Variants in ANKRD10 observed in about 807,000 individuals in gnomAD.
The protein encoded by ANKRD10 is ankyrin repeat domain-containing protein 10.
ANKRD10 carries 14 observed loss-of-function variants against 27.0 expected under a neutral mutation model. The observed-to-expected ratio is 0.52, with a 90% CI of 0.34 to 0.81. The LOEUF is 0.81. ANKRD10 is among the 40% of genes least tolerant of loss of function. ANKRD10 has a pLI of 0.01. For missense variants in ANKRD10, 493 were observed against 544.0 expected (o/e 0.91, Z 0.93); for synonymous variants, 250 against 224.5 (o/e 1.11, Z -1.01).
Position 110,893,053 on chromosome 13 carries a change from A to C in ANKRD10, c.666T>G (p.Phe222Leu), listed in dbSNP as rs1487813626. Residue 222 changes from phenylalanine (F) to leucine (L), a missense_variant, in exon 4 of 6, where the codon TTT becomes TTG. Phe to Leu is a conservative substitution (Grantham distance 22). Coordinates refer to ENST00000267339, the MANE Select transcript of ANKRD10 (RefSeq NM_017664.4). ...CTTCAGTTCTAGCTTTCTTTACTCC[A>C]AAGTCTTCTGAGTCTTCCAAGCATC... Reference protein sequence around the residue: ...RKRCLEDSEDFGVKKARTEAQ... With the variant: ...RKRCLEDSEDLGVKKARTEAQ... 6.2e-7 allele frequency: 1 copy of C among 1,614,164 alleles called. No individual in the cohort carries two copies. Among genetic ancestry groups the C allele is most frequent in the Admixed American group, 1.7e-5 (1 of 60,012 alleles).
At chr13:110,908,616 A>G (rs1164961538) in intron 2 of ANKRD10, among the ~76,000 whole-genome samples, 1 of 152,170 alleles carries the variant, frequency 6.6e-6, no homozygotes, top group African/African-American at 2.4e-5. Flanking sequence ...TGGCATCCTG[A>G]GTTTATATGA....
chr13:110,901,648 G>C (rs369305850), intron 3 of ANKRD10, among the ~76,000 whole-genome samples: 18 of 152,312 alleles, frequency 1.2e-4, no homozygotes, highest in Non-Finnish European at 1.9e-4. Flanking sequence ...CTTTCTAGCA[G>C]GCAGAACTTA....
intron 3 of ANKRD10, chr13:110,900,885 C>T (rs1302518855): frequency 3.5e-6 from 1 of 288,650 alleles, no homozygotes; most frequent in Non-Finnish European, 6.8e-6. Flanking sequence ...GTCATGTGAC[C>T]ACCTTGACCA....
At chr13:110,905,986 T>A in intron 3 of ANKRD10, 47 bp downstream of exon 3, 1 of 1,510,406 alleles carries the variant, frequency 6.6e-7, no homozygotes, top group Non-Finnish European at 9.0e-7. Context: ...AAACAAAACA[T>A]CCTCAACTAC....
At chr13:110,886,859 G>C (rs1346297737) in intron 4 of ANKRD10, among the ~76,000 whole-genome samples, 3 of 152,152 alleles carry the variant, frequency 2.0e-5, no homozygotes, top group Non-Finnish European at 4.4e-5. Flanking sequence ...ATGATTGAAT[G>C]CTTCTGAAAA....
In ANKRD10 at chr13:110,879,593, T is replaced by TAC. The variant is rs1347001738; in HGVS notation, c.*42_*43dup. On this transcript the variant is annotated 3_prime_UTR_variant, in exon 6 of 6. Coordinates refer to ENST00000267339, the MANE Select transcript of ANKRD10 (RefSeq NM_017664.4). ...TGCTACATGGGTATTCTGAGCTGGC[T>TAC]ACCAGGAAGGACTCCTGCGTTTCCG... 2 of 1,489,610 alleles carry TAC rather than the reference T, an allele frequency of 1.3e-6. No individual in the cohort carries two copies. The highest frequency in any genetic ancestry group is 3.6e-5 in the Admixed American group (2 of 55,850). 92.3% of individuals were successfully genotyped at this position (1,489,610 alleles called of 1,614,324 possible). A position where few individuals can be genotyped will look rare whatever the true frequency, so the allele number is the denominator to read the frequency against.
intron 3 of ANKRD10, among the ~76,000 whole-genome samples, chr13:110,902,928 T>C (rs988474599): frequency 2.0e-5 from 3 of 152,166 alleles, no homozygotes; most frequent in Admixed American, 2.0e-4. Context: ...CCAAAAGTAA[T>C]TGGTACCAAA....
At chr13:110,898,147 A>G (rs962724574) in intron 3 of ANKRD10, among the ~76,000 whole-genome samples, 11 of 152,322 alleles carry the variant, frequency 7.2e-5, no homozygotes, top group Middle Eastern at 3.4e-3. Flanking sequence ...AATCATTCCT[A>G]TTCCTAAATT....
chr13:110,887,799 C>G (rs2138828391), intron 4 of ANKRD10, among the ~76,000 whole-genome samples: 1 of 152,306 alleles, frequency 6.6e-6, no homozygotes, highest in Admixed American at 6.5e-5. Flanking sequence ...TGACCCATAA[C>G]CCTTGAGAGG....
chr13:110,888,769 AATC>A (rs1419986441), intron 4 of ANKRD10, among the ~76,000 whole-genome samples: 7 of 152,314 alleles, frequency 4.6e-5, no homozygotes, highest in East Asian at 1.9e-4. Context: ...TTTACCTTTA[AATC>A]ATCATGTTGT....
Position 110,880,028 on chromosome 13 carries a change from G to C in ANKRD10, c.872C>G (p.Pro291Arg), listed in dbSNP as rs745819829. The C allele has an allele frequency of 6.2e-7, 1 of 1,614,082 alleles. No homozygotes were observed. The highest frequency in any genetic ancestry group is 1.3e-5 in the African/African-American group (1 of 74,920). The part of the protein sequence containing the change: ...NGHLDFPSTT[P>R]LSGMESRNGQ... ...ATTCCTGCTTTCCATCCCACTGAGC[G>C]GGGTCGTGGAGGGGAAGTCCAAATG... Residue 291 changes from proline (P) to arginine (R), a missense_variant, in exon 6 of 6, where the codon CCG becomes CGG. Pro to Arg is a moderately radical substitution (Grantham distance 103). Coordinates refer to ENST00000267339, the MANE Select transcript of ANKRD10 (RefSeq NM_017664.4).
intron 4 of ANKRD10, among the ~76,000 whole-genome samples, chr13:110,885,259 G>GAA (rs1027154781): frequency 6.7e-6 from 1 of 148,772 alleles, no homozygotes; most frequent in Non-Finnish European, 1.5e-5. Context: ...AAAAGAGAGA[G>GAA]AAAAAAAAAA....
At chr13:110,883,672 G>C (rs1234905454) in intron 5 of ANKRD10, 26 bp downstream of exon 5, 1 of 1,612,488 alleles carries the variant, frequency 6.2e-7, no homozygotes, top group South Asian at 1.1e-5. Context: ...TGTTGTTGCA[G>C]CTAACAGGAA....
At chr13:110,881,598 T>C (rs141645236) in intron 5 of ANKRD10, among the ~76,000 whole-genome samples, 2 of 152,346 alleles carry the variant, frequency 1.3e-5, no homozygotes, top group East Asian at 3.9e-4. Flanking sequence ...AACAAGTGTT[T>C]CAATAGAAAA....
At chr13:110,880,138 C>T in intron 5 of ANKRD10, 26 bp from the exon 6 acceptor site, 1 of 1,581,928 alleles carries the variant, frequency 6.3e-7, no homozygotes, top group Non-Finnish European at 8.6e-7. Context: ...CACCTGTCAC[C>T]AAAATTCAGA....
intron 4 of ANKRD10, among the ~76,000 whole-genome samples, chr13:110,891,808 A>G (rs968769864): frequency 7.0e-6 from 1 of 143,470 alleles, no homozygotes; most frequent in Non-Finnish European, 1.5e-5. Context: ...TCACACTCCC[A>G]CCTCTCCCCC....
At chr13:110,891,580 G>A (rs2065074333) in intron 4 of ANKRD10, among the ~76,000 whole-genome samples, 1 of 152,040 alleles carries the variant, frequency 6.6e-6, no homozygotes, top group African/African-American at 2.4e-5. Context: ...CAACTTTATA[G>A]GGAAAAAATG....
chr13:110,886,734 G>T lies in ANKRD10; in HGVS notation c.692-2941C>A, dbSNP rs146217312. Among the ~76,000 whole-genome samples the T allele has an allele frequency of 1.5e-3, 225 of 152,172 alleles. 2 individuals are homozygous for T. Among genetic ancestry groups the T allele is most frequent in the African/African-American group, 5.3e-3 (219 of 41,518 alleles). On this transcript the variant is annotated intron_variant, in intron 4 of 5. Transcript: ENST00000267339. ...TTAATTACACCTTGCATTTGAGAAG[G>T]GTGGCCTGTACAGACATTTCAGAAA...
rs552936641 is a variant in ANKRD10, at chr13:110,879,894, TCTC to T, written c.1003_1005del (p.Glu335del). 5,512 of 1,614,212 alleles carry T rather than the reference TCTC, an allele frequency of 3.4e-3. 28 individuals are homozygous for T. The highest frequency in any genetic ancestry group is 0.015 in the Admixed American group (877 of 60,028). ...AACTCAGGGTTAGCTCTCAGGGTCT[TCTC>T]TGGCTCCTCAGTCCCACTAATGCAG... On this transcript the variant is annotated inframe_deletion, in exon 6 of 6. Transcript: ENST00000267339.
Sources: gnomAD v4.1 joint callset for allele counts (sites outside exome capture counted in the v4.1 genomes callset) on GRCh38, gnomAD v4.1.1 for gene constraint, MANE v1.5 for transcripts, NCBI Gene and HGNC (gene_info 2026-07-23, HGNC 2026-07-21) for gene names.